BRAF: variants seen among roughly 807,000 people sequenced by gnomAD.
BRAF encodes the protein B-Raf proto-oncogene, serine/threonine kinase, also known as serine/threonine-protein kinase B-raf.
Under a neutral mutation model 104.6 loss-of-function variants are expected in BRAF, and 16 were observed. The ratio of observed to expected loss-of-function variants is 0.15; its 90% CI spans 0.10 to 0.23. The LOEUF is 0.23. Among genes scored for constraint, BRAF ranks in the 10% least tolerant of loss-of-function variants. The probability of loss-of-function intolerance (pLI) is 1.00; values close to 1 mark genes in which losing one functional copy is unlikely to be tolerated. For missense variants in BRAF, 541 were observed against 937.3 expected, an observed-to-expected ratio of 0.58 and a Z score of 5.52; for synonymous variants, 310 against 341.6, an observed-to-expected ratio of 0.91 and a Z score of 1.02.
chr7:140,827,303 A>G (rs1013831707), intron 3 of BRAF, among the ~76,000 whole-genome samples: 2 of 152,152 alleles, frequency 1.3e-5, no homozygotes, highest in Admixed American at 6.5e-5. Context: ...TGTGAATTCT[A>G]TGAGACCTAG....
chr7:140,822,214 TATA>T (rs1227045631), intron 3 of BRAF, among the ~76,000 whole-genome samples: 3 of 152,152 alleles, frequency 2.0e-5, no homozygotes, highest in Admixed American at 6.5e-5. Flanking sequence ...GTCTATTTCA[TATA>T]ATATTTCCAC....
intron 1 of BRAF, among the ~76,000 whole-genome samples, chr7:140,858,552 C>T (rs148661060): frequency 1.6e-3 from 239 of 152,226 alleles, no homozygotes; most frequent in African/African-American, 5.3e-3. Flanking sequence ...CAGTTTAAGA[C>T]TAAAAGATAA....
At chr7:140,902,578 G>A (rs114088191) in intron 1 of BRAF, among the ~76,000 whole-genome samples, 4,232 of 152,270 alleles carry the variant, frequency 0.028, 205 homozygotes, top group African/African-American at 0.095. Flanking sequence ...GATTGTAAAT[G>A]CAAAGGCAGA....
intron 18 of BRAF, 58 bp from the exon 18 acceptor site, chr7:140,734,828 GAAAGA>G: frequency 7.1e-7 from 1 of 1,404,052 alleles, no homozygotes; most frequent in Non-Finnish European, 9.3e-7. Flanking sequence ...AAAAAAGAAA[GAAAGA>G]AAAAGAAAAA....
chr7:140,800,287 T>C (rs1802950259), intron 7 of BRAF, 75 bp downstream of exon 7: 1 of 1,605,868 alleles, frequency 6.2e-7, no homozygotes, highest in Non-Finnish European at 8.5e-7. Flanking sequence ...ATTGGAAAGG[T>C]TTCTAATTAA....
intron 2 of BRAF, among the ~76,000 whole-genome samples, chr7:140,843,140 T>C (rs1020549919): frequency 1.3e-5 from 2 of 152,190 alleles, no homozygotes; most frequent in Non-Finnish European, 2.9e-5. Context: ...CTTCAGGAAA[T>C]GTAAGCATAG....
rs1490393285 is a variant in BRAF, at chr7:140,723,877, TCTAA to T, written c.*2613_*2616del. ...CTCGTTTTTTTAGGAGCTCAGTAAG[TCTAA>T]CTGTTGTCTAAGCATCAAAAAATAA... is the stretch of plus-strand genomic sequence containing the variant. On this transcript the variant is annotated 3_prime_UTR_variant, in exon 20 of 20. Transcript: ENST00000644969. The T allele has an allele frequency of 5.4e-5, 56 of 1,046,634 alleles. No individual in the cohort carries two copies. The highest frequency in any genetic ancestry group is 3.9e-4 in the East Asian group (7 of 17,800). The allele number at this position is 1,046,634 out of a possible 1,614,324, so 64.8% of individuals were successfully genotyped here. A position where few individuals can be genotyped will look rare whatever the true frequency, so the allele number is the denominator to read the frequency against.
At position 140,725,887 on chromosome 7, in the gene BRAF, T is replaced by C. The variant is rs1795573568; in HGVS notation, c.*607A>G. The C allele has an allele frequency of 1.9e-6, 2 of 1,062,426 alleles. No individual in the cohort carries two copies. The highest frequency in any genetic ancestry group is 1.6e-5 in the African/African-American group (1 of 60,906). The allele number at this position is 1,062,426 out of a possible 1,614,324, so 65.8% of individuals were successfully genotyped here. A position where few individuals can be genotyped will look rare whatever the true frequency, so the allele number is the denominator to read the frequency against. ...CTTTTCCTCCATACCAAGACACATC[T>C]ACTCACCACTCAGCCTCCATTTAAA... On this transcript the variant is annotated 3_prime_UTR_variant, in exon 20 of 20. Coordinates refer to ENST00000644969, the MANE Select transcript of BRAF (RefSeq NM_001374258.1).
At chr7:140,923,533 G>A (rs556564388) in intron 1 of BRAF, among the ~76,000 whole-genome samples, 11 of 152,222 alleles carry the variant, frequency 7.2e-5, no homozygotes, top group African/African-American at 2.6e-4. Flanking sequence ...CAAAAAGGAG[G>A]ACAACACTAA....
At chr7:140,834,349 A>G (rs904327783) in intron 3 of BRAF, 1 of 583,708 alleles carries the variant, frequency 1.7e-6, no homozygotes, top group African/African-American at 1.9e-5. Flanking sequence ...ATTTTAAACT[A>G]GTGCTTAGAC....
At chr7:140,766,932 A>G (rs1170877885) in intron 14 of BRAF, among the ~76,000 whole-genome samples, 1 of 152,162 alleles carries the variant, frequency 6.6e-6, no homozygotes, top group East Asian at 1.9e-4. Context: ...AGCTCAAGTG[A>G]TCTTCCCACG....
At chr7:140,843,712 T>A (rs1808239996) in intron 2 of BRAF, among the ~76,000 whole-genome samples, 1 of 152,166 alleles carries the variant, frequency 6.6e-6, no homozygotes. Flanking sequence ...CATATATTTT[T>A]AAAAATTTCT....
intron 9 of BRAF, among the ~76,000 whole-genome samples, chr7:140,786,661 G>T (rs1801390002): frequency 6.6e-6 from 1 of 152,106 alleles, no homozygotes; most frequent in African/African-American, 2.4e-5. Context: ...GGACAAATGG[G>T]CTTTGCCATT....
At chr7:140,785,070 T>C (rs568535435) in intron 10 of BRAF, among the ~76,000 whole-genome samples, 1 of 152,356 alleles carries the variant, frequency 6.6e-6, no homozygotes, top group Non-Finnish European at 1.5e-5. Flanking sequence ...AATTCTCAAA[T>C]TTCTGAAGTA....
At chr7:140,733,973 C>A (rs559758711) in intron 19 of BRAF, 3 of 1,020,718 alleles carry the variant, frequency 2.9e-6, no homozygotes, top group East Asian at 6.7e-5. Flanking sequence ...GTCAAACGTG[C>A]CACTCCTCAG....
At position 140,765,664 on chromosome 7, in the gene BRAF, GAA is replaced by G. The variant is rs1176372272; in HGVS notation, c.1814+11246_1814+11247del. ...GGACATGAACAGACACTTCTCAAAA[GAA>G]GACATTTATGCAGCCAAAAGACACA... is the stretch of plus-strand genomic sequence containing the variant. On this transcript the variant is annotated intron_variant, in intron 14 of 19. Transcript: ENST00000644969. Among the ~76,000 whole-genome samples, 5 of 152,108 alleles carry G rather than the reference GAA, an allele frequency of 3.3e-5. No individual in the cohort carries two copies. The East Asian group carries it at 9.6e-4, about 29-fold the overall frequency.
chr7:140,890,672 A>G (rs903397234), intron 1 of BRAF, among the ~76,000 whole-genome samples: 1 of 152,188 alleles, frequency 6.6e-6, no homozygotes, highest in African/African-American at 2.4e-5. Flanking sequence ...TCCAGATACC[A>G]AGGCCTCACC....
chr7:140,840,247 A>C (rs897628452), intron 2 of BRAF, among the ~76,000 whole-genome samples: 8 of 152,224 alleles, frequency 5.3e-5, no homozygotes, highest in African/African-American at 1.9e-4. Context: ...TAGGAAAAAA[A>C]CACAGGAGTA....
At chr7:140,882,931 C>G (rs1813108578) in intron 1 of BRAF, among the ~76,000 whole-genome samples, 1 of 151,588 alleles carries the variant, frequency 6.6e-6, no homozygotes, top group Non-Finnish European at 1.5e-5. Context: ...GAGGCGGAGG[C>G]TGCAGTGAGC....
Sources: gnomAD v4.1 joint callset for allele counts (sites outside exome capture counted in the v4.1 genomes callset) on GRCh38, gnomAD v4.1.1 for gene constraint, MANE v1.5 for transcripts, NCBI Gene and HGNC (gene_info 2026-07-23, HGNC 2026-07-21) for gene names.